Variants in PLPPR1 observed in about 807,000 individuals in gnomAD.
PLPPR1 encodes phospholipid phosphatase related 1, also known as phospholipid phosphatase-related protein type 1.
PLPPR1 carries 10 observed loss-of-function variants against 33.1 expected under a neutral mutation model. The observed-to-expected ratio is 0.30, with a 90% CI of 0.19 to 0.51. The LOEUF is 0.51. Among genes scored for constraint, PLPPR1 ranks in the 20% least tolerant of loss-of-function variants. The probability of loss-of-function intolerance (pLI) is 0.97; values close to 1 mark genes in which losing one functional copy is unlikely to be tolerated. For missense variants in PLPPR1, 304 were observed against 408.1 expected, an observed-to-expected ratio of 0.74 and a Z score of 2.20; for synonymous variants, 151 against 151.0, an observed-to-expected ratio of 1.00 and a Z score of 0.00.
intron 4 of PLPPR1, 63 bp from the exon 5 acceptor site, chr9:101,309,148 T>A: frequency 1.3e-6 from 2 of 1,565,434 alleles, no homozygotes; most frequent in South Asian, 2.3e-5. Flanking sequence ...TGTTTTCTCT[T>A]AGGAGAAAAA....
chr9:101,043,837 C>T (rs1830112352), intron 1 of PLPPR1, among the ~76,000 whole-genome samples: 2 of 151,984 alleles, frequency 1.3e-5, no homozygotes, highest in African/African-American at 4.8e-5. Flanking sequence ...TTGATAATGG[C>T]CATTCTTGAG....
intron 2 of PLPPR1, among the ~76,000 whole-genome samples, chr9:101,217,575 C>G (rs1266064074): frequency 6.6e-6 from 1 of 152,196 alleles, no homozygotes; most frequent in African/African-American, 2.4e-5. Flanking sequence ...CATACAATCT[C>G]TGTTGAAACT....
chr9:101,089,435 A>G (rs1255404880), intron 1 of PLPPR1, among the ~76,000 whole-genome samples: 1 of 152,182 alleles, frequency 6.6e-6, no homozygotes, highest in Non-Finnish European at 1.5e-5. Flanking sequence ...TCACTGTAGA[A>G]AAATCAGAAA....
intron 2 of PLPPR1, among the ~76,000 whole-genome samples, chr9:101,222,558 T>C (rs189417333): frequency 3.3e-5 from 5 of 152,174 alleles, no homozygotes; most frequent in Non-Finnish European, 4.4e-5. Context: ...CTATGTAAGA[T>C]TGTGTCTGTG....
intron 1 of PLPPR1, among the ~76,000 whole-genome samples, chr9:101,052,692 T>G (rs1407438150): frequency 6.6e-6 from 1 of 152,222 alleles, no homozygotes; most frequent in Non-Finnish European, 1.5e-5. Flanking sequence ...TTTTGTATCC[T>G]CTGCTTAGGT....
At chr9:101,155,485 C>T (rs566328546) in intron 1 of PLPPR1, among the ~76,000 whole-genome samples, 4 of 152,252 alleles carry the variant, frequency 2.6e-5, no homozygotes, top group South Asian at 2.1e-4. Flanking sequence ...AACCCGCACC[C>T]GTGACAACAG....
chr9:101,166,069 T>C (rs1293052698), intron 1 of PLPPR1, among the ~76,000 whole-genome samples: 2 of 152,208 alleles, frequency 1.3e-5, no homozygotes, highest in African/African-American at 4.8e-5. Context: ...AATTTACTAT[T>C]CTTAGAATTA....
intron 3 of PLPPR1, among the ~76,000 whole-genome samples, chr9:101,283,462 A>C (rs1828337256): frequency 6.6e-6 from 1 of 152,222 alleles, no homozygotes; most frequent in Non-Finnish European, 1.5e-5. Context: ...ATCCACATGC[A>C]GAAGAGTAAA....
intron 1 of PLPPR1, among the ~76,000 whole-genome samples, chr9:101,072,772 A>G (rs933487582): frequency 6.6e-6 from 1 of 152,200 alleles, no homozygotes; most frequent in Non-Finnish European, 1.5e-5. Flanking sequence ...GATTGTCATT[A>G]TGGGCTTTGT....
In PLPPR1 at chr9:101,077,209, C is replaced by T. The variant is rs1214398987; in HGVS notation, c.-46+48107C>T. On this transcript the variant is annotated intron_variant, in intron 1 of 7. Coordinates refer to ENST00000374874, the MANE Select transcript of PLPPR1 (RefSeq NM_207299.2). ...ACAGATCTTTTGAGAAAAAGCCACT[C>T]TTTTTATTCCTGCTTATGCCCCTAT... Among the ~76,000 whole-genome samples, 5 of 152,190 alleles carry T rather than the reference C, an allele frequency of 3.3e-5. No individual in the cohort carries two copies. The East Asian group carries it at 9.6e-4, about 29-fold the overall frequency.
chr9:101,221,614 A>G (rs1395699244), intron 2 of PLPPR1, among the ~76,000 whole-genome samples: 1 of 152,110 alleles, frequency 6.6e-6, no homozygotes, highest in Non-Finnish European at 1.5e-5. Context: ...TCTTTCTACA[A>G]CCACCCTGAG....
chr9:101,060,908 CA>C (rs954647753), intron 1 of PLPPR1, among the ~76,000 whole-genome samples: 1 of 151,554 alleles, frequency 6.6e-6, no homozygotes, highest in Non-Finnish European at 1.5e-5. Context: ...CTTTTTTTAA[CA>C]AAAAAAGTGG....
At position 101,254,892 on chromosome 9, in the gene PLPPR1, C is replaced by T. The variant is rs144301325; in HGVS notation, c.64-14988C>T. Among the ~76,000 whole-genome samples the T allele has an allele frequency of 2.6e-4, 39 of 152,198 alleles. 1 individual carries two copies. The highest frequency in any genetic ancestry group is 5.8e-4 in the East Asian group (3 of 5,172). ...CACAAACCTGTGGGATGTATACCAACGAGTGTGACTACTGGGTTATAGGGC... is the reference window on the plus strand; with the variant it reads ...CACAAACCTGTGGGATGTATACCAATGAGTGTGACTACTGGGTTATAGGGC... On this transcript the variant is annotated intron_variant, in intron 2 of 7. Transcript: ENST00000374874.
At chr9:101,107,648 A>G (rs1251125449) in intron 1 of PLPPR1, among the ~76,000 whole-genome samples, 1 of 85,422 alleles carries the variant, frequency 1.2e-5, no homozygotes, top group Non-Finnish European at 2.3e-5. Context: ...AGAGGCAGGC[A>G]GGCCTCCTTG....
chr9:101,275,696 C>G (rs945117509), intron 3 of PLPPR1, among the ~76,000 whole-genome samples: 10 of 152,156 alleles, frequency 6.6e-5, no homozygotes, highest in Non-Finnish European at 1.5e-4. Flanking sequence ...GATTTACCCT[C>G]ATTTTATCTC....
chr9:101,167,995 C>T (rs1429706805), intron 1 of PLPPR1, among the ~76,000 whole-genome samples: 1 of 151,772 alleles, frequency 6.6e-6, no homozygotes, highest in Non-Finnish European at 1.5e-5. Flanking sequence ...GGAAATTCCC[C>T]TTTGTAAAAC....
intron 4 of PLPPR1, among the ~76,000 whole-genome samples, chr9:101,296,789 A>C (rs1006981151): frequency 1.3e-5 from 2 of 150,690 alleles, no homozygotes; most frequent in Admixed American, 1.3e-4. Flanking sequence ...CACTCTGGGG[A>C]CTGTTGTGGG....
chr9:101,044,296 A>G (rs1034789550), intron 1 of PLPPR1, among the ~76,000 whole-genome samples: 3 of 152,176 alleles, frequency 2.0e-5, no homozygotes, highest in Non-Finnish European at 4.4e-5. Context: ...GCTGACTCCT[A>G]CTGCTTGATC....
At chr9:101,138,866 A>C (rs2118627509) in intron 1 of PLPPR1, among the ~76,000 whole-genome samples, 1 of 152,316 alleles carries the variant, frequency 6.6e-6, no homozygotes, top group Admixed American at 6.5e-5. Flanking sequence ...TTCAAATTTC[A>C]TGTTTTTTCC....
Sources: gnomAD v4.1 joint callset for allele counts (sites outside exome capture counted in the v4.1 genomes callset) on GRCh38, gnomAD v4.1.1 for gene constraint, MANE v1.5 for transcripts, NCBI Gene and HGNC (gene_info 2026-07-23, HGNC 2026-07-21) for gene names.